Variants in COPS7A observed in about 807,000 individuals in gnomAD.
COPS7A encodes the protein COP9 signalosome subunit 7A.
A neutral mutation model predicts 35.2 loss-of-function variants in COPS7A; 20 were observed. The ratio of observed to expected loss-of-function variants is 0.57; its 90% confidence interval spans 0.40 to 0.83. The LOEUF (loss-of-function observed/expected upper bound fraction) is 0.83, where lower values mean the gene tolerates loss of function less well. COPS7A is among the 40% of genes least tolerant of loss of function. The pLI, the probability that COPS7A is intolerant of heterozygous loss-of-function variation, is 0.00. For synonymous variants in COPS7A, 139 were observed against 141.4 expected (o/e 0.98, Z 0.12); for missense variants, 247 against 347.5 (o/e 0.71, Z 2.30).
chr12:6,727,761 C>G (rs766478972), intron 2 of COPS7A, 165 bp from the exon 3 acceptor site: 1 of 710,692 alleles, frequency 1.4e-6, no homozygotes, highest in Non-Finnish European at 2.6e-6. Context: ...TGAGCCCTTC[C>G]TATGTGAAGA....
At chr12:6,724,903 T>G in intron 2 of COPS7A, 85 bp downstream of exon 2, 1 of 1,406,040 alleles carries the variant, frequency 7.1e-7, no homozygotes. Context: ...CATTTTGTGA[T>G]CCAATAACCA....
chr12:6,727,353 A>AG (rs1565466937), intron 2 of COPS7A, among the ~76,000 whole-genome samples: 3 of 151,474 alleles, frequency 2.0e-5, no homozygotes, highest in Non-Finnish European at 4.4e-5. Context: ...AAAAAAAAAA[A>AG]AAAGTGCCAG....
intron 1 of COPS7A, 92 bp from the exon 2 acceptor site, chr12:6,724,522 C>T (rs927234675): frequency 1.9e-6 from 2 of 1,045,860 alleles, no homozygotes; most frequent in Non-Finnish European, 1.5e-6. Flanking sequence ...GCAGAACCGA[C>T]TTAGTGCCTT....
At chr12:6,726,388 G>A (rs1311817558) in intron 2 of COPS7A, among the ~76,000 whole-genome samples, 6 of 151,842 alleles carry the variant, frequency 4.0e-5, no homozygotes, top group Non-Finnish European at 7.4e-5. Context: ...TGGATCATGA[G>A]GTCAGGAGTT....
chr12:6,729,118 G>C lies in COPS7A; in HGVS notation c.328-129G>C. The C allele has an allele frequency of 1.2e-6, 1 of 824,642 alleles. No individual in the cohort carries two copies. Among genetic ancestry groups the C allele is most frequent in the South Asian group, 1.5e-5 (1 of 64,568 alleles). The allele number at this position is 824,642 out of a possible 1,614,324, so 51.1% of individuals were successfully genotyped here. A position where few individuals can be genotyped will look rare whatever the true frequency, so the allele number is the denominator to read the frequency against. ...ATTTTGCTTTAGAACCAGCCTCTTA[G>C]AGGAAGTGATTTAGGAATGGGAGTG... is the stretch of plus-strand genomic sequence containing the variant. On this transcript the variant is annotated intron_variant, in intron 4 of 7. Coordinates refer to ENST00000543155, the MANE Select transcript of COPS7A (RefSeq NM_001164094.2). This position sits in a 1 kb window ranked among gnomAD's most constrained non-coding sequence, Gnocchi z 4.2.
chr12:6,726,092 A>C, intron 2 of COPS7A: 1 of 358,346 alleles, frequency 2.8e-6, no homozygotes, highest in Admixed American at 3.6e-5. Context: ...AGGTGGGCGG[A>C]TCATGAGGTC....
intron 3 of COPS7A, 97 bp downstream of exon 3, chr12:6,728,098 C>T (rs1438982884): frequency 6.1e-6 from 9 of 1,472,924 alleles, no homozygotes; most frequent in Non-Finnish European, 7.6e-6. Context: ...CCACTTAGAT[C>T]CCTGGATGCA....
rs765312392 is a variant in COPS7A at position 6,730,510 on chromosome 12, G to A, written c.636+3G>A. The A allele has an allele frequency of 1.5e-5, 25 of 1,613,950 alleles. No homozygotes were observed. The highest frequency in any genetic ancestry group is 1.7e-6 in the Non-Finnish European group (2 of 1,179,992). On this transcript the variant is annotated splice_donor_region_variant and intron_variant, in intron 6 of 7. Coordinates refer to ENST00000543155, the MANE Select transcript of COPS7A (RefSeq NM_001164094.2). ...TGAAGCAGCAGATTGAGAGTGAGGT[G>A]AGCAGTCAGGGGAGCAGGCAGACCC...
chr12:6,724,564 A>G (rs1941201093), intron 1 of COPS7A, 50 bp from the exon 2 acceptor site: 4 of 1,509,492 alleles, frequency 2.6e-6, no homozygotes, highest in Non-Finnish European at 3.7e-6. Flanking sequence ...TGTGCTTCCC[A>G]TCCGACCAGC....
Position 6,729,144 on chromosome 12 carries a change from G to GAGGGCAGGTGGGCT in COPS7A, c.328-94_328-81dup. The GAGGGCAGGTGGGCT allele has an allele frequency of 2.7e-6, 3 of 1,111,548 alleles. No individual in the cohort carries two copies. Among genetic ancestry groups the GAGGGCAGGTGGGCT allele is most frequent in the Non-Finnish European group, 4.1e-6 (3 of 737,712 alleles). 68.9% of individuals were successfully genotyped at this position (1,111,548 alleles called of 1,614,324 possible). The stretch of plus-strand genomic sequence containing the variant: ...AGGAAGTGATTTAGGAATGGGAGTG[G>GAGGGCAGGTGGGCT]AGGGCAGGTGGGCTAGGGCAGGGGG... On this transcript the variant is annotated intron_variant, in intron 4 of 7. Transcript: ENST00000543155. This position sits in a 1 kb window ranked among gnomAD's most constrained non-coding sequence, Gnocchi z 4.2.
rs1941385147 is a variant in COPS7A, at chr12:6,731,120, G to A, written c.*81G>A. On this transcript the variant is annotated 3_prime_UTR_variant, in exon 8 of 8. Transcript: ENST00000543155. ...TAGGAGTCCTCAGAGAGCCTTCTGTGCCCCTGGCCAGCTGATAATCCTAGG... is the reference window on the plus strand; with the variant it reads ...TAGGAGTCCTCAGAGAGCCTTCTGTACCCCTGGCCAGCTGATAATCCTAGG... The A allele has an allele frequency of 1.2e-6, 2 of 1,612,978 alleles. No individual in the cohort carries two copies. Among genetic ancestry groups the A allele is most frequent in the Non-Finnish European group, 1.7e-6 (2 of 1,179,574 alleles).
At chr12:6,724,302 C>T (rs1041954453) in intron 1 of COPS7A, 123 bp downstream of exon 1, 12 of 410,822 alleles carry the variant, frequency 2.9e-5, no homozygotes, top group African/African-American at 2.3e-4. Flanking sequence ...TGCGGGGCAG[C>T]AATGGAGAGC....
Position 6,724,661 on chromosome 12 carries a change from G to C in COPS7A, c.5G>C (p.Ser2Thr). The change falls in exon 2 of 8, where the codon AGT (serine) becomes ACT (threonine). Residue 2 changes from serine (S) to threonine (T), a missense_variant. Transcript: ENST00000543155. M[S>T]AEVKVTGQNQ... The stretch of plus-strand genomic sequence containing the variant: ...TCCCCCACACTCAGTGCAGTGATGA[G>C]TGCGGAAGTGAAGGTGACAGGGCAG... 1 of 1,614,130 alleles carries C rather than the reference G, an allele frequency of 6.2e-7. No homozygotes were observed. The highest frequency in any genetic ancestry group is 1.7e-4 in the Middle Eastern group (1 of 6,046).
intron 2 of COPS7A, among the ~76,000 whole-genome samples, chr12:6,727,062 C>T (rs1941275597): frequency 6.6e-6 from 1 of 152,170 alleles, no homozygotes; most frequent in South Asian, 2.1e-4. Flanking sequence ...TGAAGCTGAG[C>T]ACAGTGGCTC....
rs927213535 is a variant in COPS7A, at chr12:6,724,961, G to A, written c.162+143G>A. 3.2e-5 allele frequency: 28 copies of A among 871,356 alleles called. No homozygotes were observed. The African/African-American group carries it at 4.2e-4, about 13-fold the overall frequency. The allele number at this position is 871,356 out of a possible 1,614,324, so 54.0% of individuals were successfully genotyped here. On this transcript the variant is annotated intron_variant, in intron 2 of 7. Coordinates refer to ENST00000543155, the MANE Select transcript of COPS7A (RefSeq NM_001164094.2). ...GATAATTAAATGCCAACTTGCAGAA[G>A]TAACCAGTGAACAAGCAAACCAGCT...
Position 6,731,103 on chromosome 12 carries a change from C to T in COPS7A, c.*64C>T. The stretch of plus-strand genomic sequence containing the variant: ...GCTGCCTGCCTGCCTCTTAGGAGTC[C>T]TCAGAGAGCCTTCTGTGCCCCTGGC... On this transcript the variant is annotated 3_prime_UTR_variant, in exon 8 of 8. Transcript: ENST00000543155. The T allele has an allele frequency of 6.2e-7, 1 of 1,613,760 alleles. No individual in the cohort carries two copies. The highest frequency in any genetic ancestry group is 8.5e-7 in the Non-Finnish European group (1 of 1,179,854).
At chr12:6,727,011 G>A (rs745601869) in intron 2 of COPS7A, among the ~76,000 whole-genome samples, 4 of 152,216 alleles carry the variant, frequency 2.6e-5, no homozygotes, top group Non-Finnish European at 2.9e-5. Context: ...ATATTCTTAG[G>A]TAGCAACCTT....
Position 6,724,647 on chromosome 12 carries a change from C to T in COPS7A, c.-10C>T, listed in dbSNP as rs1565465503. On this transcript the variant is annotated 5_prime_UTR_variant, in exon 2 of 8. Coordinates refer to ENST00000543155, the MANE Select transcript of COPS7A (RefSeq NM_001164094.2). The stretch of plus-strand genomic sequence containing the variant: ...ATCCTGAGCCCAAGTCCCCCACACT[C>T]AGTGCAGTGATGAGTGCGGAAGTGA... 6.2e-7 allele frequency: 1 copy of T among 1,614,086 alleles called. No individual in the cohort carries two copies. Among genetic ancestry groups the T allele is most frequent in the South Asian group, 1.1e-5 (1 of 91,064 alleles).
At position 6,724,148 on chromosome 12, in the gene COPS7A, TC is replaced by T; in HGVS notation, c.-73del. On this transcript the variant is annotated 5_prime_UTR_variant, in exon 1 of 8. Coordinates refer to ENST00000543155, the MANE Select transcript of COPS7A (RefSeq NM_001164094.2). Reference sequence around the variant, plus strand: ...GCCCGGTGCGCTGGAGGTCGAAGCTTCCAGGTAGCGGCCCGCAGAGCCTGAC... The same window carrying T: ...GCCCGGTGCGCTGGAGGTCGAAGCTTCAGGTAGCGGCCCGCAGAGCCTGAC... The T allele has an allele frequency of 4.0e-6, 1 of 249,112 alleles. No individual in the cohort carries two copies. The highest frequency in any genetic ancestry group is 1.6e-4 in the East Asian group (1 of 6,294). 15.4% of individuals were successfully genotyped at this position (249,112 alleles called of 1,614,324 possible).
Sources: gnomAD v4.1 joint callset for allele counts (sites outside exome capture counted in the v4.1 genomes callset) on GRCh38, gnomAD v4.1.1 for gene constraint, Gnocchi (gnomAD v3.1) non-coding constraint, MANE v1.5 for transcripts, NCBI Gene and HGNC (gene_info 2026-07-23, HGNC 2026-07-21) for gene names.